The following TP63 variants were observed in gnomAD, a reference collection of about 807,000 sequenced individuals.
TP63 encodes tumor protein p63, also known as tumor protein 63.
In TP63, 17 loss-of-function variants were observed where a neutral mutation model predicts 82.8. That is an observed-to-expected ratio of 0.21 (90% CI 0.14 to 0.31). TP63 has a LOEUF of 0.31. Ranked by LOEUF, TP63 falls within the 10% of genes least tolerant of loss-of-function variation. TP63 has a pLI of 1.00. For missense variants in TP63, 648 were observed against 895.3 expected (o/e 0.72, Z 3.52); for synonymous variants, 330 against 321.7 (o/e 1.03, Z -0.28).
In TP63 at chr3:189,739,048, A is replaced by G. The variant is rs930288936; in HGVS notation, c.324+274A>G. Reference sequence around the variant, plus strand: ...TTGTTCCTCATGTCAACCCCAATTTAGAAAAGATGGTACCAGCTCAAGGCT... The same window carrying G: ...TTGTTCCTCATGTCAACCCCAATTTGGAAAAGATGGTACCAGCTCAAGGCT... On this transcript the variant is annotated intron_variant, in intron 3 of 13. Transcript: ENST00000264731. 4.6e-5 allele frequency among the ~76,000 whole-genome samples: 7 copies of G among 152,304 alleles called. No individual in the cohort carries two copies. The South Asian group carries it at 1.2e-3, about 27-fold the overall frequency.
chr3:189,794,978 A>C (rs891370236), intron 3 of TP63, among the ~76,000 whole-genome samples: 1 of 152,078 alleles, frequency 6.6e-6, no homozygotes, highest in African/African-American at 2.4e-5. Context: ...GCCATAGACA[A>C]ATTGGGAACT....
intron 1 of TP63, among the ~76,000 whole-genome samples, chr3:189,659,588 T>A (rs1170276501): frequency 6.6e-6 from 1 of 152,156 alleles, no homozygotes; most frequent in Non-Finnish European, 1.5e-5. Flanking sequence ...GTAATGGAAT[T>A]GCTGGGTCGA....
At chr3:189,687,715 A>T (rs764801929) in intron 1 of TP63, among the ~76,000 whole-genome samples, 1 of 152,200 alleles carries the variant, frequency 6.6e-6, no homozygotes, top group Non-Finnish European at 1.5e-5. Context: ...AGTGACTTCT[A>T]ATTCTAATGT....
intron 1 of TP63, among the ~76,000 whole-genome samples, chr3:189,700,097 G>A (rs1577263539): frequency 6.6e-6 from 1 of 152,140 alleles, no homozygotes; most frequent in Non-Finnish European, 1.5e-5. Flanking sequence ...CATTTGAAGT[G>A]TCTGGAGTGA....
intron 1 of TP63, among the ~76,000 whole-genome samples, chr3:189,696,020 T>C (rs894874303): frequency 6.6e-6 from 1 of 152,162 alleles, no homozygotes; most frequent in Non-Finnish European, 1.5e-5. Context: ...CTACATTCCA[T>C]CCCAAGATTT....
chr3:189,743,887 T>C (rs1721179787), intron 3 of TP63, among the ~76,000 whole-genome samples: 1 of 152,170 alleles, frequency 6.6e-6, no homozygotes, highest in Non-Finnish European at 1.5e-5. Context: ...CCTATTGTCC[T>C]AGCCAAAGGA....
intron 3 of TP63, among the ~76,000 whole-genome samples, chr3:189,806,040 C>CTTTTTTT (rs34836784): frequency 1.9e-5 from 1 of 52,058 alleles, no homozygotes; most frequent in Non-Finnish European, 3.3e-5. Flanking sequence ...GAAGCAAACA[C>CTTTTTTT]TTTTTTTTTT....
rs780898702 is a variant in TP63, at chr3:189,737,833, A to G, written c.156A>G (p.Pro52=). ...QSTQTNEFLS[P]EVFQHIWDFL... is the part of the protein sequence containing the mutation. ...CACAGACAAATGAATTCCTCAGTCC[A>G]GAGGTTTTCCAGCATATCTGGGATT... Residue 52 remains proline (P), a synonymous_variant, in exon 2 of 14, where the codon CCA becomes CCG. Transcript: ENST00000264731. The G allele has an allele frequency of 1.5e-5, 24 of 1,613,894 alleles. No individual in the cohort carries two copies. The highest frequency in any genetic ancestry group is 1.9e-5 in the Non-Finnish European group (22 of 1,179,898).
intron 1 of TP63, among the ~76,000 whole-genome samples, chr3:189,650,307 T>C (rs1438486082): frequency 1.4e-5 from 2 of 147,254 alleles, no homozygotes. Flanking sequence ...AGAAAACCAA[T>C]CAATGCATTA....
At chr3:189,623,042 C>G in the TP63 span, among the ~76,000 whole-genome samples, 2 of 152,146 alleles carry the variant, frequency 1.3e-5, no homozygotes, top group African/African-American at 2.4e-5. Flanking sequence ...ATAAATGTCT[C>G]TCTAGCCCCT....
intron 10 of TP63, among the ~76,000 whole-genome samples, chr3:189,879,025 A>G (rs1007445328): frequency 1.3e-5 from 2 of 152,198 alleles, no homozygotes; most frequent in African/African-American, 2.4e-5. Context: ...GATTAATTAA[A>G]CTCAGATAGA....
At chr3:189,862,207 C>T (rs1344435580) in intron 4 of TP63, among the ~76,000 whole-genome samples, 1 of 151,914 alleles carries the variant, frequency 6.6e-6, no homozygotes, top group African/African-American at 2.4e-5. Flanking sequence ...AATTCTGGCC[C>T]CTGTGGTTTC....
At chr3:189,886,695 G>A in intron 11 of TP63, 144 bp downstream of exon 11, 1 of 1,172,864 alleles carries the variant, frequency 8.5e-7, no homozygotes, top group Non-Finnish European at 1.2e-6. Flanking sequence ...TTGGGTTTCT[G>A]ACTGAACCTT....
intron 12 of TP63, 102 bp downstream of exon 12, chr3:189,889,586 GCA>G: frequency 6.6e-7 from 1 of 1,517,820 alleles, no homozygotes; most frequent in Non-Finnish European, 9.1e-7. Context: ...AGGGAAGACA[GCA>G]GTCCTGTGGT....
chr3:189,622,470 C>A, the TP63 span, among the ~76,000 whole-genome samples: 1 of 152,150 alleles, frequency 6.6e-6, no homozygotes, highest in Non-Finnish European at 1.5e-5. Context: ...GTGTGAAATG[C>A]AGTTAACCTA....
chr3:189,668,487 A>G (rs147135882), intron 1 of TP63, among the ~76,000 whole-genome samples: 33 of 152,260 alleles, frequency 2.2e-4, no homozygotes, highest in African/African-American at 7.2e-4. Flanking sequence ...ACAAAAATGC[A>G]GTAACTAAAA....
chr3:189,748,308 T>C (rs1288719716), intron 3 of TP63, among the ~76,000 whole-genome samples: 2 of 151,962 alleles, frequency 1.3e-5, no homozygotes, highest in Non-Finnish European at 2.9e-5. Flanking sequence ...TCCTGAAAAC[T>C]CTTAGATCTG....
rs573845504 is a variant in TP63 at position 189,875,364 on chromosome 3, G to A, written c.1349+2369G>A. ...GGGTGGATCACGAGGTCAGGAGCTCGAGACGAGCCTGGTCAATATGGTGAA... is the reference window on the plus strand; with the variant it reads ...GGGTGGATCACGAGGTCAGGAGCTCAAGACGAGCCTGGTCAATATGGTGAA... On this transcript the variant is annotated intron_variant, in intron 10 of 13. Coordinates refer to ENST00000264731, the MANE Select transcript of TP63 (RefSeq NM_003722.5). Among the ~76,000 whole-genome samples the A allele has an allele frequency of 4.0e-5, 6 of 151,556 alleles. No individual in the cohort carries two copies. In the South Asian group the frequency reaches 1.3e-3, roughly 32 times the overall value.
chr3:189,842,173 A>T (rs896912022), intron 4 of TP63, among the ~76,000 whole-genome samples: 1 of 152,134 alleles, frequency 6.6e-6, no homozygotes, highest in Admixed American at 6.5e-5. Flanking sequence ...TGAGACAGAC[A>T]TGCTGCTACT....
Sources: allele counts gnomAD v4.1 joint callset (sites outside exome capture counted in the v4.1 genomes callset), GRCh38; gene constraint gnomAD v4.1.1; transcripts MANE v1.5; gene names NCBI Gene and HGNC (gene_info 2026-07-23, HGNC 2026-07-21).